FANK1: variants seen among roughly 807,000 people sequenced by gnomAD.
FANK1 encodes fibronectin type III and ankyrin repeat domains 1, also known as fibronectin type 3 and ankyrin repeat domains protein 1.
In FANK1, 44 loss-of-function variants were observed where a neutral mutation model predicts 45.3. That is an observed-to-expected ratio of 0.97 (90% confidence interval 0.76 to 1.25). The LOEUF (loss-of-function observed/expected upper bound fraction) is 1.25, where lower values mean the gene tolerates loss of function less well. FANK1 is among the 50% of genes most tolerant of loss of function. The pLI is 0.00. For synonymous variants in FANK1, 149 were observed against 152.5 expected (o/e 0.98, Z 0.17); for missense variants, 391 against 424.4 (o/e 0.92, Z 0.69).
intron 1 of FANK1, among the ~76,000 whole-genome samples, chr10:125,899,090 C>T (rs1007001584): frequency 5.3e-5 from 8 of 151,372 alleles, no homozygotes; most frequent in Non-Finnish European, 1.0e-4. Context: ...GACAGAGTTT[C>T]GCTGTTGTTG....
At chr10:125,930,252 T>G (rs1199749901) in intron 1 of FANK1, among the ~76,000 whole-genome samples, 1 of 152,026 alleles carries the variant, frequency 6.6e-6, no homozygotes, top group African/African-American at 2.4e-5. Context: ...CATGTTGGCC[T>G]TGAACTCCTG....
intron 2 of FANK1, among the ~76,000 whole-genome samples, chr10:125,984,963 G>C (rs912100986): frequency 1.3e-4 from 20 of 152,174 alleles, no homozygotes; most frequent in Non-Finnish European, 8.8e-5. Flanking sequence ...TGTTGTAATC[G>C]CTGTAGAGTA....
chr10:125,995,711 T>C (rs1222154586), intron 4 of FANK1, among the ~76,000 whole-genome samples: 1 of 152,198 alleles, frequency 6.6e-6, no homozygotes, highest in Non-Finnish European at 1.5e-5. Flanking sequence ...GATTGTGTAA[T>C]AGAAATTGTA....
intron 1 of FANK1, among the ~76,000 whole-genome samples, chr10:125,959,527 C>T (rs570727807): frequency 4.0e-5 from 6 of 151,442 alleles, no homozygotes; most frequent in East Asian, 1.9e-4. Flanking sequence ...TCTATATATA[C>T]GATGGGGCAA....
intron 1 of FANK1, among the ~76,000 whole-genome samples, chr10:125,934,279 T>G (rs1947932569): frequency 6.6e-6 from 1 of 152,216 alleles, no homozygotes; most frequent in Admixed American, 6.5e-5. Flanking sequence ...AAGACTGTTT[T>G]TATAATTGAA....
chr10:125,899,009 C>A (rs1944815926), intron 1 of FANK1, among the ~76,000 whole-genome samples: 1 of 151,762 alleles, frequency 6.6e-6, no homozygotes, highest in African/African-American at 2.4e-5. Context: ...ATCCTCTCAC[C>A]TGAGCCTCCT....
rs1951599459 is a variant in FANK1, at chr10:125,986,937, C to T, written c.192-1614C>T. Among the ~76,000 whole-genome samples the T allele has an allele frequency of 1.3e-5, 2 of 152,158 alleles. 1 individual carries two copies. The highest frequency in any genetic ancestry group is 4.1e-4 in the South Asian group (2 of 4,822). ...TAGCCACACACTTTGTGCCATGCCT[C>T]ATCCTTTAGGAGAAAGAATCCAGTG... On this transcript the variant is annotated intron_variant, in intron 2 of 10. Coordinates refer to ENST00000368693, the MANE Select transcript of FANK1 (RefSeq NM_145235.5).
intron 1 of FANK1, among the ~76,000 whole-genome samples, chr10:125,967,276 C>T (rs1218877159): frequency 1.3e-5 from 2 of 152,166 alleles, no homozygotes; most frequent in Non-Finnish European, 2.9e-5. Flanking sequence ...GGGTTTGAAT[C>T]CTGGCTCTGC....
At chr10:125,979,977 C>T (rs1951095484) in intron 1 of FANK1, 184 bp from the exon 2 acceptor site, 1 of 648,142 alleles carries the variant, frequency 1.5e-6, no homozygotes, top group Admixed American at 2.4e-5. Flanking sequence ...GTAGCTCACA[C>T]ATCAGCTGAA....
chr10:125,937,392 T>C (rs1246846770), intron 1 of FANK1, among the ~76,000 whole-genome samples: 3 of 152,246 alleles, frequency 2.0e-5, no homozygotes, highest in African/African-American at 7.2e-5. Flanking sequence ...TTTGTCATTG[T>C]GGTTTTAATT....
At chr10:125,907,992 T>TC (rs1589795808) in intron 1 of FANK1, among the ~76,000 whole-genome samples, 2 of 134,006 alleles carry the variant, frequency 1.5e-5, no homozygotes, top group East Asian at 4.2e-4. Context: ...ATGTTTTTTC[T>TC]CCCTTTTTTT....
intron 1 of FANK1, among the ~76,000 whole-genome samples, chr10:125,942,079 G>C (rs1235093902): frequency 6.6e-6 from 1 of 152,142 alleles, no homozygotes; most frequent in East Asian, 1.9e-4. Context: ...GATGTGAAAT[G>C]TCATGATAAT....
At position 125,980,282 on chromosome 10, in the gene FANK1, C is replaced by G. The variant is rs1488676168; in HGVS notation, c.135C>G (p.Phe45Leu). 3 of 1,613,944 alleles carry G rather than the reference C, an allele frequency of 1.9e-6. No homozygotes were observed. Among genetic ancestry groups the G allele is most frequent in the Non-Finnish European group, 2.5e-6 (3 of 1,180,014 alleles). Residue 45 changes from phenylalanine to leucine, a missense_variant, in exon 2 of 11, where the codon TTC becomes TTG. Coordinates refer to ENST00000368693, the MANE Select transcript of FANK1 (RefSeq NM_145235.5). ...GCCAAGGACCTCAAGAGCAGTGGTT[C>G]AGGTTCTCGATTGAAGAAGAAGACC... is the stretch of plus-strand genomic sequence containing the variant. ...AKRQGPQEQWFRFSIEEEDPK... is the reference protein window; with the variant it reads ...AKRQGPQEQWLRFSIEEEDPK...
chr10:125,899,274 G>A (rs909238381), intron 1 of FANK1, among the ~76,000 whole-genome samples: 197 of 152,290 alleles, frequency 1.3e-3, no homozygotes, highest in Non-Finnish European at 4.6e-4. Context: ...TGGTCCGGCT[G>A]GTCTTGAACT....
intron 1 of FANK1, chr10:125,974,943 A>G (rs939165024): frequency 6.6e-6 from 1 of 152,114 alleles, no homozygotes; most frequent in Non-Finnish European, 1.5e-5. Context: ...ACATAGTATT[A>G]CATCACCCAG....
rs373550249 is a variant in FANK1 at position 125,897,998 on chromosome 10, C to CAAAAAAAAAAAA, written c.13+1368_13+1379dup. Among the ~76,000 whole-genome samples the CAAAAAAAAAAAA allele has an allele frequency of 2.4e-4, 4 of 16,796 alleles. 1 individual carries two copies. The highest frequency in any genetic ancestry group is 7.2e-4 in the African/African-American group (3 of 4,138). The allele number at this position is 16,796 out of a possible 152,430, so 11.0% of individuals were successfully genotyped here. On this transcript the variant is annotated intron_variant, in intron 1 of 10. Transcript: ENST00000368693. ...AGTGAAACCCATCTCTACTAAAATA[C>CAAAAAAAAAAAA]AAAAAAAAAAAAAAAAAAAAAAAAA...
At chr10:125,921,113 A>G (rs1357742758) in intron 1 of FANK1, among the ~76,000 whole-genome samples, 1 of 152,212 alleles carries the variant, frequency 6.6e-6, no homozygotes, top group Non-Finnish European at 1.5e-5. Flanking sequence ...CCTTTGCAAT[A>G]TTGAACTTTC....
At chr10:125,906,902 T>A (rs1945571009) in intron 1 of FANK1, among the ~76,000 whole-genome samples, 1 of 152,074 alleles carries the variant, frequency 6.6e-6, no homozygotes, top group African/African-American at 2.4e-5. Context: ...GTTTCTCCAG[T>A]TATCTAGAGA....
At chr10:126,008,270 A>C (rs1953384254) in intron 7 of FANK1, 137 bp from the exon 8 acceptor site, 2 of 1,158,080 alleles carry the variant, frequency 1.7e-6, no homozygotes, top group Non-Finnish European at 2.3e-6. Context: ...TTAAATTAGC[A>C]CAGTGCAATG....
Sources: gnomAD v4.1 joint callset for allele counts (sites outside exome capture counted in the v4.1 genomes callset) on GRCh38, gnomAD v4.1.1 for gene constraint, MANE v1.5 for transcripts, NCBI Gene and HGNC (gene_info 2026-07-23, HGNC 2026-07-21) for gene names.